The following FBXL17 variants were observed in gnomAD, a reference collection of about 807,000 sequenced individuals.
FBXL17 encodes F-box and leucine rich repeat protein 17.
In FBXL17, 22 loss-of-function variants were observed where a neutral mutation model predicts 66.2. The observed-to-expected ratio is 0.33, with a 90% CI of 0.24 to 0.47. FBXL17 has a LOEUF of 0.47. FBXL17 is among the 20% of genes least tolerant of loss of function. FBXL17 has a pLI of 1.00. For missense variants in FBXL17, 878 were observed against 948.2 expected (o/e 0.93, Z 0.97); for synonymous variants, 474 against 400.5 (o/e 1.18, Z -2.19).
At chr5:108,048,320 G>C (rs1747336072) in intron 6 of FBXL17, among the ~76,000 whole-genome samples, 1 of 152,130 alleles carries the variant, frequency 6.6e-6, no homozygotes, top group Non-Finnish European at 1.5e-5. Context: ...CAGTCTCAAA[G>C]ACTGAAACTA....
rs572672960 is a variant in FBXL17 at position 107,885,272 on chromosome 5, A to G, written c.1823-4093T>C. Among the ~76,000 whole-genome samples the G allele has an allele frequency of 2.6e-5, 4 of 152,380 alleles. No individual in the cohort carries two copies. In the East Asian group the frequency reaches 7.7e-4, roughly 29 times the overall value. ...GTACACAAATTAAAAGCTGTAGTTC[A>G]GTAACTTGTGTGTTGATGAAGGGTA... On this transcript the variant is annotated intron_variant, in intron 7 of 8. Transcript: ENST00000542267.
chr5:108,139,153 G>A (rs182753211), intron 6 of FBXL17, among the ~76,000 whole-genome samples: 35 of 152,234 alleles, frequency 2.3e-4, no homozygotes, highest in Admixed American at 1.1e-3. Context: ...GTGTTTGCAC[G>A]CTCACCATAG....
rs143958247 is a variant in FBXL17, at chr5:107,893,481, T to C, written c.1823-12302A>G. ...CTAGAAGTGTGTTCACATGGTAATA[T>C]GTTTTGAAAAGTCTGTAAAAACAAG... On this transcript the variant is annotated intron_variant, in intron 7 of 8. Transcript: ENST00000542267. Among the ~76,000 whole-genome samples the C allele has an allele frequency of 2.2e-3, 334 of 152,326 alleles. 1 individual carries two copies. Among genetic ancestry groups the C allele is most frequent in the African/African-American group, 7.4e-3 (307 of 41,578 alleles).
At chr5:108,009,815 TCTG>T (rs968974377) in intron 7 of FBXL17, among the ~76,000 whole-genome samples, 1 of 152,184 alleles carries the variant, frequency 6.6e-6, no homozygotes, top group Non-Finnish European at 1.5e-5. Flanking sequence ...AAATCATCAA[TCTG>T]TCTGGTTCTT....
chr5:108,218,106 C>T (rs1461662187), intron 5 of FBXL17, among the ~76,000 whole-genome samples: 6 of 150,212 alleles, frequency 4.0e-5, no homozygotes, highest in Non-Finnish European at 7.4e-5. Context: ...CCCGGGTTCA[C>T]GCCATTCTCC....
At chr5:108,348,647 C>T (rs1393497984) in intron 3 of FBXL17, 117 bp from the exon 4 acceptor site, 2 of 1,016,706 alleles carry the variant, frequency 2.0e-6, no homozygotes, top group Admixed American at 2.5e-5. Flanking sequence ...ATTTATGTTA[C>T]TTGTAAAATA....
At chr5:107,925,267 C>T (rs1750488988) in intron 7 of FBXL17, among the ~76,000 whole-genome samples, 1 of 152,166 alleles carries the variant, frequency 6.6e-6, no homozygotes, top group African/African-American at 2.4e-5. Context: ...CATCTCTATT[C>T]TAAAAAGAGA....
At chr5:108,004,111 G>T (rs950992259) in intron 7 of FBXL17, among the ~76,000 whole-genome samples, 14 of 152,082 alleles carry the variant, frequency 9.2e-5, no homozygotes, top group Non-Finnish European at 1.8e-4. Flanking sequence ...AATAATGATT[G>T]GCAGCTCTTT....
chr5:108,018,663 G>T (rs1453766792), intron 7 of FBXL17, among the ~76,000 whole-genome samples: 1 of 152,100 alleles, frequency 6.6e-6, no homozygotes, highest in Non-Finnish European at 1.5e-5. Flanking sequence ...AATGAAGAAG[G>T]AAGGTAAGAT....
intron 6 of FBXL17, among the ~76,000 whole-genome samples, chr5:108,128,299 C>T (rs556101047): frequency 1.3e-5 from 2 of 151,608 alleles, no homozygotes; most frequent in East Asian, 3.9e-4. Context: ...GAAAATGTAA[C>T]CATCTTTCAG....
intron 6 of FBXL17, among the ~76,000 whole-genome samples, chr5:108,140,762 A>G (rs1751318480): frequency 6.6e-6 from 1 of 152,154 alleles, no homozygotes; most frequent in Non-Finnish European, 1.5e-5. Context: ...GATATCCCCC[A>G]AAATTCGAGA....
rs569414374 is a variant in FBXL17, at chr5:108,111,221, GA to G, written c.1745+74895del. On this transcript the variant is annotated intron_variant, in intron 6 of 8. Transcript: ENST00000542267. Reference sequence around the variant, plus strand: ...CATGAACAGAAATAAGTAAAAAGAAGAAAAAAAAAAGAAAGAAAAGAAAAGA... The same window carrying G: ...CATGAACAGAAATAAGTAAAAAGAAGAAAAAAAAAGAAAGAAAAGAAAAGA... Among the ~76,000 whole-genome samples, 320 of 136,600 alleles carry G rather than the reference GA, an allele frequency of 2.3e-3. 1 individual carries two copies. Among genetic ancestry groups the G allele is most frequent in the African/African-American group, 5.3e-3 (193 of 36,458 alleles). 89.6% of individuals were successfully genotyped at this position (136,600 alleles called of 152,430 possible). A position where few individuals can be genotyped will look rare whatever the true frequency, so the allele number is the denominator to read the frequency against.
intron 7 of FBXL17, among the ~76,000 whole-genome samples, chr5:107,978,270 A>G (rs1010675803): frequency 6.6e-6 from 1 of 151,962 alleles, no homozygotes; most frequent in Non-Finnish European, 1.5e-5. Context: ...TAATGGGAGG[A>G]AATTTAGTTT....
chr5:107,883,275 T>C (rs939124808), intron 7 of FBXL17, among the ~76,000 whole-genome samples: 1 of 152,176 alleles, frequency 6.6e-6, no homozygotes, highest in East Asian at 1.9e-4. Context: ...ATAACTTTCC[T>C]AGTGTCACAA....
Position 107,974,798 on chromosome 5 carries a change from C to T in FBXL17, c.1822+46127G>A, listed in dbSNP as rs142103147. On this transcript the variant is annotated intron_variant, in intron 7 of 8. Coordinates refer to ENST00000542267, the MANE Select transcript of FBXL17 (RefSeq NM_001163315.3). ...GGAGAGTTAATAAAAAATTATCTCA[C>T]TAGACTCAGATTTATGGAATGTTTG... 1.9e-4 allele frequency among the ~76,000 whole-genome samples: 29 copies of T among 152,008 alleles called. 1 individual carries two copies. The highest frequency in any genetic ancestry group is 7.0e-4 in the African/African-American group (29 of 41,470).
At chr5:108,294,264 C>CAT (rs35017761) in intron 4 of FBXL17, among the ~76,000 whole-genome samples, 10 of 142,400 alleles carry the variant, frequency 7.0e-5, no homozygotes, top group East Asian at 6.1e-4. Context: ...ATATTCAGAA[C>CAT]ATATATATAT....
rs568123940 is a variant in FBXL17 at position 107,928,697 on chromosome 5, A to G, written c.1823-47518T>C. Among the ~76,000 whole-genome samples the G allele has an allele frequency of 2.6e-5, 4 of 152,222 alleles. No individual in the cohort carries two copies. The South Asian group carries it at 8.3e-4, about 32-fold the overall frequency. On this transcript the variant is annotated intron_variant, in intron 7 of 8. Coordinates refer to ENST00000542267, the MANE Select transcript of FBXL17 (RefSeq NM_001163315.3). ...AAGAGGTAGTGGTTTTAACAGGATT[A>G]TCTACTATATTATTACTATAAGCAG...
At chr5:108,137,849 C>G (rs1055705552) in intron 6 of FBXL17, among the ~76,000 whole-genome samples, 2 of 152,094 alleles carry the variant, frequency 1.3e-5, no homozygotes, top group Admixed American at 6.6e-5. Flanking sequence ...AGGTCCAGTA[C>G]GAACTGGATG....
Position 107,861,658 on chromosome 5 carries a change from C to T in FBXL17, c.*62G>A, listed in dbSNP as rs1748124838. 4.2e-6 allele frequency: 6 copies of T among 1,418,624 alleles called. No individual in the cohort carries two copies. Among genetic ancestry groups the T allele is most frequent in the Non-Finnish European group, 5.6e-6 (6 of 1,071,402 alleles). 87.9% of individuals were successfully genotyped at this position (1,418,624 alleles called of 1,614,324 possible). On this transcript the variant is annotated 3_prime_UTR_variant, in exon 9 of 9. Transcript: ENST00000542267. ...AAACCCTTCCGAGAGATCAGCTCCC[C>T]AAATGTACAATTCTCCTCTGCTCTG...
Sources: gnomAD v4.1 joint callset for allele counts (sites outside exome capture counted in the v4.1 genomes callset) on GRCh38, gnomAD v4.1.1 for gene constraint, MANE v1.5 for transcripts, NCBI Gene and HGNC (gene_info 2026-07-23, HGNC 2026-07-21) for gene names.